Variants in ZFP64 observed in about 807,000 individuals in gnomAD.
The protein encoded by ZFP64 is ZFP64 zinc finger protein.
In ZFP64, 14 loss-of-function variants were observed where a neutral mutation model predicts 51.6. That is an observed-to-expected ratio of 0.27 (90% CI 0.18 to 0.42). The LOEUF (loss-of-function observed/expected upper bound fraction) is 0.42. Ranked by LOEUF, ZFP64 falls within the 10% of genes least tolerant of loss-of-function variation. The pLI, the probability that ZFP64 is intolerant of heterozygous loss-of-function variation, is 1.00. For missense variants in ZFP64, 754 were observed against 906.8 expected, an observed-to-expected ratio of 0.83 and a Z score of 2.16; for synonymous variants, 375 against 361.4, an observed-to-expected ratio of 1.04 and a Z score of -0.43.
Position 52,142,839 on chromosome 20 carries a change from CAA to C in ZFP64, c.763+17282_763+17283del, listed in dbSNP as rs386393987. On this transcript the variant is annotated intron_variant, in intron 5 of 8. Coordinates refer to the ZFP64 transcript ENST00000361387. ...TGGGCGACAGAGTGAGACTCCATCT[CAA>C]AAAAAAAAAAAAAAAAAGCAAAAAA... Among the ~76,000 whole-genome samples, 20 of 55,062 alleles carry C rather than the reference CAA, an allele frequency of 3.6e-4. 1 individual carries two copies. Among genetic ancestry groups the C allele is most frequent in the African/African-American group, 6.7e-4 (12 of 17,862 alleles). The allele number at this position is 55,062 out of a possible 152,430, so 36.1% of individuals were successfully genotyped here.
At chr20:52,162,025 C>A (rs562502327) in intron 4 of ZFP64, among the ~76,000 whole-genome samples, 3 of 152,204 alleles carry the variant, frequency 2.0e-5, no homozygotes, top group Non-Finnish European at 4.4e-5. Context: ...TGGCTGGGCA[C>A]AGTGGCTGTC....
rs1478293811 is a variant in ZFP64 at position 52,152,563 on chromosome 20, C to T, written c.1629G>A (p.Leu543=). 4 of 1,567,228 alleles carry T rather than the reference C, an allele frequency of 2.6e-6. No homozygotes were observed. The highest frequency in any genetic ancestry group is 3.5e-6 in the Non-Finnish European group (4 of 1,158,874). ...GGGGGGCGATCAGACTGACCTGGCG[C>T]AGGATCTGCAGCCGGCTGTTCCCTG... is the stretch of plus-strand genomic sequence containing the variant. The part of the protein sequence containing the change: ...ELPGNSRLQI[L]RQVSLIAPPQ... Residue 543 remains leucine, a synonymous_variant, in exon 6 of 6, where the codon CTG becomes CTA. Transcript: ENST00000216923.
In ZFP64 at chr20:52,099,664, T is replaced by C. The variant is rs191169518; in HGVS notation, c.764-1077A>G. Reference sequence around the variant, plus strand: ...ATTCCCCATAGTCTAAGGATGAATGTTGAAACATTTACAAGTTGTATGATA... The same window carrying C: ...ATTCCCCATAGTCTAAGGATGAATGCTGAAACATTTACAAGTTGTATGATA... On this transcript the variant is annotated intron_variant, in intron 5 of 8. Transcript: ENST00000361387. 3.1e-4 allele frequency among the ~76,000 whole-genome samples: 47 copies of C among 152,318 alleles called. No homozygotes were observed. In the East Asian group the frequency reaches 8.1e-3, roughly 26 times the overall value.
chr20:52,173,830 G>C (rs996905869), intron 2 of ZFP64, among the ~76,000 whole-genome samples: 3 of 151,822 alleles, frequency 2.0e-5, no homozygotes, highest in African/African-American at 7.3e-5. Context: ...TGTATTTTTA[G>C]CAGAGATGGG....
At chr20:52,142,303 G>T (rs906708106) in intron 5 of ZFP64, among the ~76,000 whole-genome samples, 1 of 151,728 alleles carries the variant, frequency 6.6e-6, no homozygotes, top group Non-Finnish European at 1.5e-5. Context: ...GGGCGGCGGA[G>T]GTTGCAGTGA....
chr20:52,142,933 C>A (rs1398776247), intron 5 of ZFP64, among the ~76,000 whole-genome samples: 1 of 141,654 alleles, frequency 7.1e-6, no homozygotes, highest in Non-Finnish European at 1.6e-5. Flanking sequence ...TACAGCTACC[C>A]CAACCTTCAG....
chr20:52,086,534 G>A (rs1392330934), intron 8 of ZFP64, among the ~76,000 whole-genome samples: 2 of 149,652 alleles, frequency 1.3e-5, no homozygotes, highest in African/African-American at 5.0e-5. Context: ...CTGGAGTGCA[G>A]TGACGCAATC....
intron 2 of ZFP64, among the ~76,000 whole-genome samples, chr20:52,185,595 T>TC (rs1983905354): frequency 6.6e-6 from 1 of 150,884 alleles, no homozygotes; most frequent in African/African-American, 2.4e-5. Flanking sequence ...TTTTTTTTTT[T>TC]TTGAGACGAA....
chr20:52,116,427 C>A (rs564940836), intron 5 of ZFP64, among the ~76,000 whole-genome samples: 1 of 150,588 alleles, frequency 6.6e-6, no homozygotes. Context: ...TGAGCCACTG[C>A]GCCTGGCCAT....
chr20:52,093,459 G>A (rs541606836), intron 7 of ZFP64, among the ~76,000 whole-genome samples: 138 of 152,228 alleles, frequency 9.1e-4, no homozygotes, highest in African/African-American at 3.1e-3. Flanking sequence ...TTTTTATCTG[G>A]GGTCTGTGTA....
intron 5 of ZFP64, among the ~76,000 whole-genome samples, chr20:52,122,337 T>C (rs1361196306): frequency 6.6e-6 from 1 of 151,982 alleles, no homozygotes; most frequent in African/African-American, 2.4e-5. Flanking sequence ...AAACCCCGTC[T>C]CTACTAAAAA....
At chr20:52,174,048 A>G (rs921163072) in intron 2 of ZFP64, among the ~76,000 whole-genome samples, 3 of 152,112 alleles carry the variant, frequency 2.0e-5, no homozygotes, top group African/African-American at 4.8e-5. Flanking sequence ...ATTTGGTTGG[A>G]GGAGTTAAGT....
At chr20:52,102,455 C>CA (rs775924550) in intron 5 of ZFP64, among the ~76,000 whole-genome samples, 1 of 152,090 alleles carries the variant, frequency 6.6e-6, no homozygotes, top group African/African-American at 2.4e-5. Flanking sequence ...CTCAGATGCT[C>CA]AAGGTTGCAG....
At chr20:52,098,727 G>C (rs915170040) in intron 5 of ZFP64, 38 of 1,129,568 alleles carry the variant, frequency 3.4e-5, no homozygotes, top group Non-Finnish European at 4.6e-5. Context: ...CATGTGACCA[G>C]GCGGGGTGGC....
intron 5 of ZFP64, among the ~76,000 whole-genome samples, chr20:52,155,744 A>G (rs1045375409): frequency 6.6e-6 from 1 of 152,166 alleles, no homozygotes; most frequent in East Asian, 1.9e-4. Flanking sequence ...GACTATGTTC[A>G]TTCTTGCCTA....
At chr20:52,167,407 G>A (rs543982792) in intron 2 of ZFP64, among the ~76,000 whole-genome samples, 1 of 131,192 alleles carries the variant, frequency 7.6e-6, no homozygotes, top group Non-Finnish European at 1.7e-5. Context: ...AAATTTTTTT[G>A]TTGTAAAAAA....
intron 5 of ZFP64, among the ~76,000 whole-genome samples, chr20:52,158,298 T>C (rs1331995042): frequency 1.3e-5 from 2 of 152,130 alleles, no homozygotes; most frequent in East Asian, 1.9e-4. Flanking sequence ...GATCACGCAA[T>C]TGTGGTCTTT....
intron 2 of ZFP64, among the ~76,000 whole-genome samples, chr20:52,173,048 T>A (rs1982885248): frequency 1.3e-5 from 2 of 152,298 alleles, no homozygotes; most frequent in Non-Finnish European, 2.9e-5. Context: ...TCTCTGAAGT[T>A]TGTCTCTGTG....
At chr20:52,189,754 G>A (rs1407762202) in intron 1 of ZFP64, among the ~76,000 whole-genome samples, 1 of 152,054 alleles carries the variant, frequency 6.6e-6, no homozygotes, top group Non-Finnish European at 1.5e-5. Context: ...GATTACAGGC[G>A]TGAGCCACCG....
Sources: allele counts gnomAD v4.1 joint callset (sites outside exome capture counted in the v4.1 genomes callset), GRCh38; gene constraint gnomAD v4.1.1; transcripts MANE v1.5; gene names NCBI Gene and HGNC (gene_info 2026-07-23, HGNC 2026-07-21).